The following SPACA7 variants were observed in gnomAD, a reference collection of about 807,000 sequenced individuals.
SPACA7 encodes the protein sperm acrosome-associated protein 7.
Under a neutral mutation model 26.3 loss-of-function variants are expected in SPACA7, and 19 were observed. The observed-to-expected ratio is 0.72, with a 90% CI of 0.50 to 1.06. The LOEUF (loss-of-function observed/expected upper bound fraction) is 1.06, where lower values mean the gene tolerates loss of function less well. Among genes scored for constraint, SPACA7 ranks in the 50% least tolerant of loss-of-function variants. The pLI, the probability that SPACA7 is intolerant of heterozygous loss-of-function variation, is 0.00. For missense variants in SPACA7, 211 were observed against 229.9 expected, an observed-to-expected ratio of 0.92 and a Z score of 0.53; for synonymous variants, 84 against 84.5, an observed-to-expected ratio of 0.99 and a Z score of 0.04.
At chr13:112,381,028 A>G (rs1335573591) in intron 1 of SPACA7, among the ~76,000 whole-genome samples, 1 of 151,832 alleles carries the variant, frequency 6.6e-6, no homozygotes, top group Non-Finnish European at 1.5e-5. Context: ...ACAGACTCAA[A>G]TACATTTAGT....
At position 112,432,319 on chromosome 13, in the gene SPACA7, C is replaced by T. The variant is rs1050701057; in HGVS notation, c.446-125C>T. The stretch of plus-strand genomic sequence containing the variant: ...CTCGAGAAGCTGCAGCACCTCACCC[C>T]GCTTGCTCTGTGCGTGGGTGCTGCT... On this transcript the variant is annotated intron_variant, in intron 5 of 6. Transcript: ENST00000283550. The T allele has an allele frequency of 1.1e-4, 78 of 687,678 alleles. No individual in the cohort carries two copies. In the Admixed American group the frequency reaches 1.7e-3, roughly 15 times the overall value. 42.6% of individuals were successfully genotyped at this position (687,678 alleles called of 1,614,324 possible).
At chr13:112,390,842 G>A (rs1228528144) in intron 1 of SPACA7, among the ~76,000 whole-genome samples, 1 of 152,218 alleles carries the variant, frequency 6.6e-6, no homozygotes, top group Non-Finnish European at 1.5e-5. Context: ...AGATTTGAGT[G>A]GGGACATAAA....
At chr13:112,382,039 G>A (rs549837626) in intron 1 of SPACA7, among the ~76,000 whole-genome samples, 1 of 152,292 alleles carries the variant, frequency 6.6e-6, no homozygotes, top group South Asian at 2.1e-4. Context: ...GACTGCTTTG[G>A]GAAAGAGCTG....
At chr13:112,398,991 G>T (rs1387300961) in intron 3 of SPACA7, 75 bp from the exon 4 acceptor site, 1 of 865,778 alleles carries the variant, frequency 1.2e-6, no homozygotes. Flanking sequence ...GTAAAATAAA[G>T]CATGGGCCAA....
At chr13:112,406,431 C>T (rs924105318) in intron 5 of SPACA7, among the ~76,000 whole-genome samples, 1 of 152,286 alleles carries the variant, frequency 6.6e-6, no homozygotes, top group South Asian at 2.1e-4. Context: ...AGAATTTTCT[C>T]TCTTTTTAAG....
chr13:112,409,625 T>A (rs1195862008), intron 5 of SPACA7, among the ~76,000 whole-genome samples: 1 of 152,198 alleles, frequency 6.6e-6, no homozygotes, highest in African/African-American at 2.4e-5. Flanking sequence ...ATGCTCATCA[T>A]CACTGGCCAT....
chr13:112,407,440 G>T (rs1256625059), intron 5 of SPACA7, among the ~76,000 whole-genome samples: 1 of 152,062 alleles, frequency 6.6e-6, no homozygotes, highest in African/African-American at 2.4e-5. Flanking sequence ...CTGGTTTTTT[G>T]AAAAGATCAA....
At chr13:112,402,914 T>C (rs921614741) in intron 5 of SPACA7, among the ~76,000 whole-genome samples, 8 of 152,152 alleles carry the variant, frequency 5.3e-5, no homozygotes, top group African/African-American at 1.9e-4. Context: ...TTTCATATTT[T>C]TGCATCCAAA....
In SPACA7 at chr13:112,399,173, G is replaced by C; in HGVS notation, c.349G>C (p.Glu117Gln). 1 of 1,508,202 alleles carries C rather than the reference G, an allele frequency of 6.6e-7. No homozygotes were observed. Among genetic ancestry groups the C allele is most frequent in the Non-Finnish European group, 9.2e-7 (1 of 1,083,856 alleles). The allele number at this position is 1,508,202 out of a possible 1,614,324, so 93.4% of individuals were successfully genotyped here. ...CATTGAGGTCAAAATTTCCAATGAT[G>C]GTAAATGCAACCCAGTAATTACCCC... ...PGIEVKISND[E>Q]ANANANLHGD... Residue 117 changes from glutamate to glutamine, a missense_variant and splice_region_variant, in exon 4 of 7, where the codon GAA becomes CAA. Transcript: ENST00000283550.
In SPACA7 at chr13:112,383,022, A is replaced by AAGAAAGAGAGAGAGAG. The variant is rs1173996926; in HGVS notation, c.94+6551_94+6566dup. ...AGAGAGAGAAAGACAGAAGGAAAGA[A>AAGAAAGAGAGAGAGAG]AGAAAGAGAGAGAGAGAGAAAGACA... On this transcript the variant is annotated intron_variant, in intron 1 of 6. Coordinates refer to ENST00000283550, the MANE Select transcript of SPACA7 (RefSeq NM_145248.5). Among the ~76,000 whole-genome samples the AAGAAAGAGAGAGAGAG allele has an allele frequency of 1.7e-4, 8 of 46,126 alleles. 1 individual carries two copies. Among genetic ancestry groups the AAGAAAGAGAGAGAGAG allele is most frequent in the African/African-American group, 4.5e-4 (4 of 8,836 alleles). 30.3% of individuals were successfully genotyped at this position (46,126 alleles called of 152,430 possible).
At chr13:112,385,022 G>A (rs1012862339) in intron 1 of SPACA7, among the ~76,000 whole-genome samples, 1 of 152,172 alleles carries the variant, frequency 6.6e-6, no homozygotes, top group African/African-American at 2.4e-5. Flanking sequence ...TCAAAGAGCA[G>A]ATTAATTTTC....
intron 1 of SPACA7, among the ~76,000 whole-genome samples, chr13:112,385,669 A>G (rs1224895876): frequency 1.3e-5 from 2 of 152,206 alleles, no homozygotes; most frequent in African/African-American, 4.8e-5. Flanking sequence ...TTTAGACCAA[A>G]TGTCTACATT....
At chr13:112,398,907 G>C (rs1885457045) in intron 3 of SPACA7, among the ~76,000 whole-genome samples, 159 bp from the exon 4 acceptor site, 1 of 152,196 alleles carries the variant, frequency 6.6e-6, no homozygotes, top group South Asian at 2.1e-4. Flanking sequence ...ACCTGACTCT[G>C]TTTACACCTT....
chr13:112,424,509 G>A (rs1490970745), intron 5 of SPACA7, among the ~76,000 whole-genome samples: 1 of 152,144 alleles, frequency 6.6e-6, no homozygotes, highest in Non-Finnish European at 1.5e-5. Context: ...ATGGCATTGT[G>A]TTGGGGGGCT....
At chr13:112,403,918 C>A (rs536426482) in intron 5 of SPACA7, among the ~76,000 whole-genome samples, 3 of 152,150 alleles carry the variant, frequency 2.0e-5, no homozygotes, top group Non-Finnish European at 4.4e-5. Context: ...ATAATAACTT[C>A]TTTTCCTCTG....
At chr13:112,383,058 AAG>A (rs1884202302) in intron 1 of SPACA7, among the ~76,000 whole-genome samples, 5 of 50,438 alleles carry the variant, frequency 9.9e-5, no homozygotes, top group African/African-American at 1.9e-4. Context: ...GAAGGAAAGA[AAG>A]AGACAGAAAG....
intron 6 of SPACA7, among the ~76,000 whole-genome samples, 200 bp downstream of exon 6, chr13:112,432,721 G>A (rs947573042): frequency 2.0e-5 from 3 of 152,146 alleles, no homozygotes; most frequent in African/African-American, 7.2e-5. Flanking sequence ...AGGAGTCAAG[G>A]CCCGTGTCAT....
At chr13:112,432,093 C>A (rs966244334) in intron 5 of SPACA7, among the ~76,000 whole-genome samples, 3 of 152,198 alleles carry the variant, frequency 2.0e-5, no homozygotes, top group Non-Finnish European at 4.4e-5. Context: ...CAGAAGGGAG[C>A]CCTGCTCACC....
chr13:112,401,286 A>G, intron 5 of SPACA7, 122 bp downstream of exon 5: 1 of 691,136 alleles, frequency 1.4e-6, no homozygotes, highest in Non-Finnish European at 2.5e-6. Flanking sequence ...TTCCACCAAC[A>G]TCATGGTGAG....
Sources: allele counts gnomAD v4.1 joint callset (sites outside exome capture counted in the v4.1 genomes callset), GRCh38; gene constraint gnomAD v4.1.1; transcripts MANE v1.5; gene names NCBI Gene and HGNC (gene_info 2026-07-23, HGNC 2026-07-21).